PTPRT: variants seen among roughly 807,000 people sequenced by gnomAD.
The protein encoded by PTPRT is receptor-type tyrosine-protein phosphatase T.
A neutral mutation model predicts 176.8 loss-of-function variants in PTPRT; 56 were observed. That is an observed-to-expected ratio of 0.32 (90% CI 0.26 to 0.40). The LOEUF (loss-of-function observed/expected upper bound fraction) is 0.40. PTPRT is among the 10% of genes least tolerant of loss of function. The probability of loss-of-function intolerance (pLI) is 1.00; values close to 1 mark genes in which losing one functional copy is unlikely to be tolerated. For missense variants in PTPRT, 1,540 were observed against 1,908.2 expected, an observed-to-expected ratio of 0.81 and a Z score of 3.60; for synonymous variants, 783 against 739.0, an observed-to-expected ratio of 1.06 and a Z score of -0.96.
chr20:42,098,570 C>G lies in PTPRT; in HGVS notation c.3715-18G>C. 1 of 1,613,754 alleles carries G rather than the reference C, an allele frequency of 6.2e-7. No individual in the cohort carries two copies. Among genetic ancestry groups the G allele is most frequent in the South Asian group, 1.1e-5 (1 of 91,046 alleles). On this transcript the variant is annotated intron_variant, in intron 26 of 30. Transcript: ENST00000373187. ...TTGTGGCTCTGACAAAGGAATGACA[C>G]AGGCTTCGTAAATTACACATCCATC...
At chr20:42,758,464 A>G (rs2076868364) in intron 5 of PTPRT, among the ~76,000 whole-genome samples, 1 of 152,132 alleles carries the variant, frequency 6.6e-6, no homozygotes, top group Non-Finnish European at 1.5e-5. Context: ...GCCCCCATCA[A>G]AGGGCAGCTA....
intron 7 of PTPRT, among the ~76,000 whole-genome samples, chr20:42,667,324 A>G (rs28615374): frequency 1.2e-4 from 19 of 152,290 alleles, no homozygotes; most frequent in African/African-American, 4.3e-4. Flanking sequence ...TGGAGGAATT[A>G]TACCTCCCTC....
chr20:42,179,107 A>C (rs1325255691), intron 16 of PTPRT, among the ~76,000 whole-genome samples: 2 of 152,226 alleles, frequency 1.3e-5, no homozygotes, highest in Non-Finnish European at 2.9e-5. Context: ...AAGTTTGCCA[A>C]CCACAAATCC....
chr20:42,133,453 G>A (rs1406790222), intron 18 of PTPRT, among the ~76,000 whole-genome samples: 1 of 152,140 alleles, frequency 6.6e-6, no homozygotes, highest in Non-Finnish European at 1.5e-5. Context: ...GCTACATACT[G>A]TACAATTCTG....
chr20:42,998,743 G>C (rs965917736), intron 1 of PTPRT, among the ~76,000 whole-genome samples: 7 of 152,156 alleles, frequency 4.6e-5, no homozygotes, highest in African/African-American at 1.7e-4. Context: ...CTCTGAAAGG[G>C]AGACAAGGGC....
At chr20:42,272,711 A>G (rs954356729) in intron 13 of PTPRT, among the ~76,000 whole-genome samples, 2 of 121,838 alleles carry the variant, frequency 1.6e-5, no homozygotes, top group Non-Finnish European at 3.4e-5. Flanking sequence ...GCGTGCACAC[A>G]CACGTGCGCG....
In PTPRT at chr20:42,104,632, G is replaced by C. The variant is rs1420724514; in HGVS notation, c.3477C>G (p.Leu1159=). ...GGTCCAGCCTGCTGATATTGTAGTA[G>C]AGAGAACGGAACTCACACACAGGGA... ...TAIPVCEFRS[L]YYNISRLDPQ... Residue 1159 remains leucine (L), a synonymous_variant, in exon 25 of 31, where the codon CTC becomes CTG. Coordinates refer to ENST00000373187, the MANE Select transcript of PTPRT (RefSeq NM_007050.6). 1 of 1,608,728 alleles carries C rather than the reference G, an allele frequency of 6.2e-7. No individual in the cohort carries two copies. Among genetic ancestry groups the C allele is most frequent in the African/African-American group, 1.3e-5 (1 of 74,788 alleles).
intron 7 of PTPRT, among the ~76,000 whole-genome samples, chr20:42,488,340 G>A (rs1392714212): frequency 6.6e-6 from 1 of 152,142 alleles, no homozygotes; most frequent in East Asian, 1.9e-4. Context: ...CAGAACAGCA[G>A]CCCCAAAACT....
intron 17 of PTPRT, among the ~76,000 whole-genome samples, chr20:42,150,403 C>T (rs991940894): frequency 6.6e-6 from 1 of 152,172 alleles, no homozygotes; most frequent in Non-Finnish European, 1.5e-5. Flanking sequence ...GCTGATGAGG[C>T]AGTTCCTGGC....
At position 43,189,415 on chromosome 20, in the gene PTPRT, G is replaced by T. The variant is rs914147504; in HGVS notation, c.88+231C>A. On this transcript the variant is annotated intron_variant, in intron 1 of 30. Coordinates refer to ENST00000373187, the MANE Select transcript of PTPRT (RefSeq NM_007050.6). The surrounding 1 kb of genome is among the most constrained non-coding windows in gnomAD (Gnocchi z 5.0). ...GGGGGCCGGCAGGAAACTGAAGCGG[G>T]GAACTTCGCCAAACGCGGGCTGCCG... Among the ~76,000 whole-genome samples, 9 of 152,182 alleles carry T rather than the reference G, an allele frequency of 5.9e-5. No individual in the cohort carries two copies. Among genetic ancestry groups the T allele is most frequent in the Non-Finnish European group, 1.3e-4 (9 of 68,016 alleles).
At chr20:42,606,880 GCC>G (rs1180727136) in intron 7 of PTPRT, 1 of 152,162 alleles carries the variant, frequency 6.6e-6, no homozygotes, top group Admixed American at 6.5e-5. Flanking sequence ...CACTGAGTAT[GCC>G]CATGCTCACA....
intron 1 of PTPRT, among the ~76,000 whole-genome samples, chr20:43,110,113 A>G (rs532219657): frequency 6.6e-6 from 1 of 152,346 alleles, no homozygotes; most frequent in East Asian, 1.9e-4. Context: ...GGGCATCTGT[A>G]TCAGGAGAAG....
chr20:42,502,406 AC>A (rs2071767127), intron 7 of PTPRT, among the ~76,000 whole-genome samples: 1 of 27,514 alleles, frequency 3.6e-5, no homozygotes, highest in African/African-American at 6.7e-4. Context: ...ATGTATACAA[AC>A]ACACACACAC....
chr20:42,926,686 T>C (rs941367077), intron 1 of PTPRT, among the ~76,000 whole-genome samples: 1 of 152,158 alleles, frequency 6.6e-6, no homozygotes, highest in African/African-American at 2.4e-5. Flanking sequence ...TTCCTCCCCG[T>C]GTGCCCAAGG....
chr20:42,591,827 T>C (rs6093682), intron 7 of PTPRT, among the ~76,000 whole-genome samples: 8,341 of 152,138 alleles, frequency 0.055, 760 homozygotes, highest in African/African-American at 0.19. Context: ...ATGGGCACAA[T>C]GACCATGGCT....
chr20:42,718,276 G>T (rs1318592420), intron 6 of PTPRT, among the ~76,000 whole-genome samples: 3 of 152,314 alleles, frequency 2.0e-5, no homozygotes, highest in South Asian at 2.1e-4. Flanking sequence ...GGTGGCTCAC[G>T]CCTGTAATCC....
intron 13 of PTPRT, among the ~76,000 whole-genome samples, chr20:42,262,877 A>G (rs1312377084): frequency 1.3e-5 from 2 of 152,194 alleles, no homozygotes; most frequent in Non-Finnish European, 2.9e-5. Flanking sequence ...CTTTGTGCCA[A>G]GTGGCCCACC....
At chr20:42,522,648 G>C (rs1473580865) in intron 7 of PTPRT, among the ~76,000 whole-genome samples, 3 of 152,128 alleles carry the variant, frequency 2.0e-5, no homozygotes, top group African/African-American at 7.2e-5. Context: ...TTTTTGTAGA[G>C]ATGGGGTTTC....
intron 6 of PTPRT, among the ~76,000 whole-genome samples, chr20:42,691,504 G>A (rs535857804): frequency 6.6e-6 from 1 of 152,320 alleles, no homozygotes; most frequent in East Asian, 1.9e-4. Context: ...GCTCTGAAGT[G>A]TCAGGAAGGG....
Sources: allele counts gnomAD v4.1 joint callset (sites outside exome capture counted in the v4.1 genomes callset), GRCh38; gene constraint gnomAD v4.1.1; non-coding constraint Gnocchi (gnomAD v3.1); transcripts MANE v1.5; gene names NCBI Gene and HGNC (gene_info 2026-07-23, HGNC 2026-07-21).